Variants in PDE3A observed in about 807,000 individuals in gnomAD.
PDE3A encodes the protein phosphodiesterase 3A.
A neutral mutation model predicts 98.3 loss-of-function variants in PDE3A; 43 were observed. The ratio of observed to expected loss-of-function variants is 0.44; its 90% CI spans 0.34 to 0.56. The LOEUF is 0.56. Among genes scored for constraint, PDE3A ranks in the 20% least tolerant of loss-of-function variants. The probability of loss-of-function intolerance (pLI) is 0.01; values close to 1 mark genes in which losing one functional copy is unlikely to be tolerated. For synonymous variants in PDE3A, 663 were observed against 567.9 expected (o/e 1.17, Z -2.38); for missense variants, 1,427 against 1,440.7 (o/e 0.99, Z 0.15).
chr12:20,399,498 C>T (rs1176808629), intron 1 of PDE3A, among the ~76,000 whole-genome samples: 1 of 152,144 alleles, frequency 6.6e-6, no homozygotes, highest in African/African-American at 2.4e-5. Flanking sequence ...ACATGAAACA[C>T]ATTTAGCACA....
At chr12:20,637,026 G>A in intron 8 of PDE3A, 74 bp from the exon 9 acceptor site, 4 of 997,642 alleles carry the variant, frequency 4.0e-6, no homozygotes, top group Non-Finnish European at 5.7e-6. Context: ...AGTTGTTATT[G>A]AATTTAGCAA....
intron 1 of PDE3A, among the ~76,000 whole-genome samples, chr12:20,380,584 G>A (rs1943646573): frequency 6.6e-6 from 1 of 151,768 alleles, no homozygotes; most frequent in Non-Finnish European, 1.5e-5. Flanking sequence ...TATCTTTTGA[G>A]TATGTTAGGC....
intron 1 of PDE3A, among the ~76,000 whole-genome samples, chr12:20,454,517 G>A (rs1591949769): frequency 6.6e-6 from 1 of 152,132 alleles, no homozygotes; most frequent in African/African-American, 2.4e-5. Context: ...GTGCAGGTTT[G>A]TTATGTAAGT....
intron 1 of PDE3A, among the ~76,000 whole-genome samples, chr12:20,466,251 A>G (rs980758982): frequency 6.6e-6 from 1 of 152,252 alleles, no homozygotes; most frequent in Non-Finnish European, 1.5e-5. Flanking sequence ...ACGGAGCACA[A>G]ACACTTAGCA....
At chr12:20,388,684 A>G (rs891286411) in intron 1 of PDE3A, among the ~76,000 whole-genome samples, 2 of 152,030 alleles carry the variant, frequency 1.3e-5, no homozygotes, top group Non-Finnish European at 2.9e-5. Context: ...TTTTCTAAAA[A>G]TGAGTAATTT....
chr12:20,540,074 G>A (rs1345366268), intron 1 of PDE3A, among the ~76,000 whole-genome samples: 6 of 152,064 alleles, frequency 3.9e-5, no homozygotes, highest in Non-Finnish European at 8.8e-5. Flanking sequence ...GGACTAGATT[G>A]TTTAAACAGC....
chr12:20,569,932 C>T (rs1433276467), intron 2 of PDE3A, among the ~76,000 whole-genome samples: 3 of 152,290 alleles, frequency 2.0e-5, no homozygotes, highest in South Asian at 2.1e-4. Flanking sequence ...AAATTCTGCA[C>T]TGGCCAGATG....
intron 15 of PDE3A, among the ~76,000 whole-genome samples, chr12:20,656,233 T>C (rs1239328462): frequency 6.6e-6 from 1 of 152,190 alleles, no homozygotes; most frequent in Non-Finnish European, 1.5e-5. Context: ...CGTGCCTATT[T>C]TTATCACAGT....
At chr12:20,398,339 G>A (rs576274047) in intron 1 of PDE3A, among the ~76,000 whole-genome samples, 4 of 148,742 alleles carry the variant, frequency 2.7e-5, no homozygotes, top group East Asian at 2.0e-4. Flanking sequence ...GGGTAATAGC[G>A]ATAAATTTTT....
intron 1 of PDE3A, among the ~76,000 whole-genome samples, chr12:20,491,342 A>G (rs1945822214): frequency 6.6e-6 from 1 of 152,178 alleles, no homozygotes; most frequent in Non-Finnish European, 1.5e-5. Context: ...GGGGACGAAC[A>G]TTCGTGTTTT....
chr12:20,529,550 A>G (rs1265095086), intron 1 of PDE3A, among the ~76,000 whole-genome samples: 2 of 152,028 alleles, frequency 1.3e-5, no homozygotes, highest in African/African-American at 2.4e-5. Flanking sequence ...AAAAAAGAGA[A>G]ATTTGGACAC....
chr12:20,534,084 C>A (rs868649251), intron 1 of PDE3A, among the ~76,000 whole-genome samples: 2 of 152,170 alleles, frequency 1.3e-5, no homozygotes, highest in Non-Finnish European at 2.9e-5. Context: ...TGGTAAAACC[C>A]TCTTCAACCT....
At chr12:20,370,388 GGTTTTTTTTTTGTTTTTTTT>G (rs1444104013) in intron 1 of PDE3A, 144 bp downstream of exon 1, 2 of 543,656 alleles carry the variant, frequency 3.7e-6, no homozygotes, top group East Asian at 7.0e-5. Context: ...GAAACTAGCA[GGTTTTTTTTTTGTTTTTTTT>G]GTTTTTTTTT....
At chr12:20,629,148 C>T (rs1007461672) in intron 5 of PDE3A, among the ~76,000 whole-genome samples, 8 of 152,124 alleles carry the variant, frequency 5.3e-5, no homozygotes, top group Non-Finnish European at 1.2e-4. Flanking sequence ...AGAGTAACTT[C>T]AAAAGACATC....
intron 6 of PDE3A, among the ~76,000 whole-genome samples, chr12:20,633,112 T>A (rs1311145287): frequency 3.9e-5 from 6 of 151,952 alleles, no homozygotes; most frequent in African/African-American, 9.7e-5. Flanking sequence ...CCACCCTGCC[T>A]GGCAATTTTT....
intron 1 of PDE3A, among the ~76,000 whole-genome samples, chr12:20,495,501 C>T (rs1166337930): frequency 6.6e-6 from 1 of 151,838 alleles, no homozygotes; most frequent in African/African-American, 2.4e-5. Flanking sequence ...TTTGAATATT[C>T]CTTTTAAACT....
intron 2 of PDE3A, among the ~76,000 whole-genome samples, chr12:20,561,338 G>T (rs1262570086): frequency 6.6e-6 from 1 of 152,050 alleles, no homozygotes; most frequent in African/African-American, 2.4e-5. Flanking sequence ...ATTATGAACC[G>T]ATTGACTTCA....
chr12:20,480,932 A>G (rs1945611695), intron 1 of PDE3A, among the ~76,000 whole-genome samples: 1 of 152,246 alleles, frequency 6.6e-6, no homozygotes, highest in African/African-American at 2.4e-5. Context: ...CCAACTTGCT[A>G]GCGTTAACCA....
At chr12:20,470,653 C>T (rs1048879718) in intron 1 of PDE3A, among the ~76,000 whole-genome samples, 1 of 152,104 alleles carries the variant, frequency 6.6e-6, no homozygotes, top group Non-Finnish European at 1.5e-5. Flanking sequence ...TGGGGTTTAT[C>T]TCTTTTCTTC....
Sources: gnomAD v4.1 joint callset for allele counts (sites outside exome capture counted in the v4.1 genomes callset) on GRCh38, gnomAD v4.1.1 for gene constraint, MANE v1.5 for transcripts, NCBI Gene and HGNC (gene_info 2026-07-23, HGNC 2026-07-21) for gene names.